The following SEPSECS variants were observed in gnomAD, a reference collection of about 807,000 sequenced individuals.
SEPSECS encodes Sep (O-phosphoserine) tRNA:Sec (selenocysteine) tRNA synthase, also known as O-phosphoseryl-tRNA(Sec) selenium transferase.
A neutral mutation model predicts 52.1 loss-of-function variants in SEPSECS; 42 were observed. That is an observed-to-expected ratio of 0.81 (90% CI 0.63 to 1.04). SEPSECS has a LOEUF of 1.04. Among genes scored for constraint, SEPSECS ranks in the 50% least tolerant of loss-of-function variants. SEPSECS has a pLI of 0.00. For missense variants in SEPSECS, 590 were observed against 610.6 expected (o/e 0.97, Z 0.36); for synonymous variants, 216 against 211.4 (o/e 1.02, Z -0.19).
At chr4:25,128,434 A>AAAACAG (rs1383494573) in intron 8 of SEPSECS, among the ~76,000 whole-genome samples, 3 of 134,470 alleles carry the variant, frequency 2.2e-5, no homozygotes, top group African/African-American at 9.7e-5. Context: ...TAACATAACA[A>AAAACAG]AAACAAAAAC....
intron 5 of SEPSECS, among the ~76,000 whole-genome samples, chr4:25,152,365 C>G (rs1482497472): frequency 5.3e-5 from 8 of 151,868 alleles, no homozygotes; most frequent in Non-Finnish European, 7.4e-5. Context: ...AAACAGAAAG[C>G]CAGAAGATTA....
chr4:25,136,977 T>C (rs1728865974), intron 8 of SEPSECS, among the ~76,000 whole-genome samples: 1 of 152,184 alleles, frequency 6.6e-6, no homozygotes, highest in African/African-American at 2.4e-5. Context: ...GGATTCTCTA[T>C]TTAATAAATG....
intron 6 of SEPSECS, among the ~76,000 whole-genome samples, chr4:25,151,179 T>C (rs1712276411): frequency 6.6e-6 from 1 of 152,198 alleles, no homozygotes; most frequent in Admixed American, 6.5e-5. Flanking sequence ...GGTTTATTGA[T>C]TGTCAATAAT....
At chr4:25,125,841 A>T (rs1223149006) in intron 9 of SEPSECS, 57 bp from the exon 10 acceptor site, 1 of 1,014,526 alleles carries the variant, frequency 9.9e-7, no homozygotes, top group African/African-American at 1.6e-5. Flanking sequence ...AAAATCACTC[A>T]AATAATAACA....
chr4:25,132,165 G>A (rs577229566), intron 8 of SEPSECS, among the ~76,000 whole-genome samples: 7 of 152,182 alleles, frequency 4.6e-5, no homozygotes, highest in Non-Finnish European at 8.8e-5. Context: ...CTGAGTTCTT[G>A]TCTGCCACTA....
At chr4:25,126,907 C>T (rs185848826) in intron 9 of SEPSECS, among the ~76,000 whole-genome samples, 1 of 152,304 alleles carries the variant, frequency 6.6e-6, no homozygotes, top group East Asian at 1.9e-4. Context: ...CCTCCTGCCT[C>T]AGCCTCCCAA....
rs1249643052 is a variant in SEPSECS at position 25,122,596 on chromosome 4, T to G, written c.*1335A>C. ...CAACAGGCAGGTTTGCAAAGGCAGC[T>G]CCCAAAATTATTTGTCTGTAAACAT... On this transcript the variant is annotated 3_prime_UTR_variant, in exon 11 of 11. Coordinates refer to ENST00000382103, the MANE Select transcript of SEPSECS (RefSeq NM_016955.4). The G allele has an allele frequency of 6.6e-6, 1 of 152,184 alleles. No individual in the cohort carries two copies. Among genetic ancestry groups the G allele is most frequent in the African/African-American group, 2.4e-5 (1 of 41,460 alleles). The allele number at this position is 152,184 out of a possible 1,614,324, so 9.4% of individuals were successfully genotyped here.
intron 6 of SEPSECS, among the ~76,000 whole-genome samples, chr4:25,148,151 G>GACC (rs1712085603): frequency 6.6e-6 from 1 of 152,106 alleles, no homozygotes; most frequent in Non-Finnish European, 1.5e-5. Flanking sequence ...AGGAGATTGA[G>GACC]ACCACCCTGG....
chr4:25,150,500 T>C (rs1712234995), intron 6 of SEPSECS, among the ~76,000 whole-genome samples: 1 of 152,042 alleles, frequency 6.6e-6, no homozygotes, highest in South Asian at 2.1e-4. Flanking sequence ...TTATATCAAA[T>C]GGTGATAAGT....
At position 25,123,810 on chromosome 4, in the gene SEPSECS, C is replaced by A; in HGVS notation, c.*121G>T. ...GGCTAGTTCAGACCAAAGTCTGCTC[C>A]TTGACTGAATATTCCCATGAAATTC... On this transcript the variant is annotated 3_prime_UTR_variant, in exon 11 of 11. Transcript: ENST00000382103. 1.1e-6 allele frequency: 1 copy of A among 885,512 alleles called. No homozygotes were observed. Among genetic ancestry groups the A allele is most frequent in the East Asian group, 2.5e-5 (1 of 40,528 alleles). 54.9% of individuals were successfully genotyped at this position (885,512 alleles called of 1,614,324 possible).
At chr4:25,157,549 T>G (rs1372779792) in intron 2 of SEPSECS, among the ~76,000 whole-genome samples, 1 of 151,338 alleles carries the variant, frequency 6.6e-6, no homozygotes, top group African/African-American at 2.4e-5. Flanking sequence ...CTTTTTTTTT[T>G]TTTTTTTCGT....
upstream of SEPSECS, chr4:25,160,487 A>G (rs923656819): frequency 2.0e-5 from 14 of 689,768 alleles, no homozygotes; most frequent in Non-Finnish European, 3.2e-5. Flanking sequence ...GGGACAAAAA[A>G]CAAAACAAAA....
chr4:25,156,869 A>C lies in SEPSECS; in HGVS notation c.375T>G (p.Ile125Met). Residue 125 changes from isoleucine to methionine, a missense_variant, in exon 3 of 11, where the codon ATT (isoleucine) becomes ATG (methionine). Transcript: ENST00000382103. The part of the protein sequence containing the change: ...NKITNSLVLD[I>M]IKLAGVHTVA... ...GACGGTACATACCAGCCAGCTTTAT[A>C]ATGTCCAGGACCAAAGAATTGGTAA... The C allele has an allele frequency of 1.3e-6, 2 of 1,587,120 alleles. No individual in the cohort carries two copies. The highest frequency in any genetic ancestry group is 1.7e-6 in the Non-Finnish European group (2 of 1,155,422).
chr4:25,125,698 C>T lies in SEPSECS; in HGVS notation c.1207G>A (p.Ala403Thr), dbSNP rs748528815. 6.8e-6 allele frequency: 11 copies of T among 1,607,442 alleles called. No individual in the cohort carries two copies. Among genetic ancestry groups the T allele is most frequent in the Non-Finnish European group, 9.4e-6 (11 of 1,174,716 alleles). Residue 403 changes from alanine to threonine, a missense_variant, in exon 10 of 11, where the codon GCC becomes ACC. Physicochemically the swap from Ala to Thr is moderately conservative, Grantham distance 58. Coordinates refer to ENST00000382103, the MANE Select transcript of SEPSECS (RefSeq NM_016955.4). ...ATCTATCTTAAACATACTTACCTGG[C>T]TCCAGAAACCTGTCTGGTAAAAAGC... is the stretch of plus-strand genomic sequence containing the variant. The part of the protein sequence containing the change: ...SMLFTRQVSG[A>T]RVVPLGSMQT...
intron 8 of SEPSECS, among the ~76,000 whole-genome samples, chr4:25,136,270 G>C (rs933563832): frequency 6.6e-6 from 1 of 152,148 alleles, no homozygotes; most frequent in Non-Finnish European, 1.5e-5. Context: ...AACTGTCTCT[G>C]GTTGCAGATG....
intron 8 of SEPSECS, among the ~76,000 whole-genome samples, chr4:25,139,237 T>C (rs981392469): frequency 6.6e-6 from 1 of 152,216 alleles, no homozygotes; most frequent in Non-Finnish European, 1.5e-5. Flanking sequence ...CAGTCTTGTT[T>C]GTGGATTTAG....
chr4:25,154,293 G>A (rs540311095), intron 5 of SEPSECS, among the ~76,000 whole-genome samples: 201 of 152,116 alleles, frequency 1.3e-3, no homozygotes, highest in African/African-American at 4.6e-3. Context: ...ATAATTTGAT[G>A]CTACAAGAAA....
In SEPSECS at chr4:25,145,083, A is replaced by G; in HGVS notation, c.855T>C (p.Asn285=). The G allele has an allele frequency of 6.2e-7, 1 of 1,613,950 alleles. No homozygotes were observed. Among genetic ancestry groups the G allele is most frequent in the Non-Finnish European group, 8.5e-7 (1 of 1,179,924 alleles). ...TAGCACCACCTACTGGAACCATAAA[A>G]TTTTTGTCCAAGCTCTGAACAAAAG... ...IDAFVQSLDK[N]FMVPVGGAII... The change falls in exon 7 of 11, where the codon AAT becomes AAC. Residue 285 remains asparagine (N), a synonymous_variant. Transcript: ENST00000382103.
intron 7 of SEPSECS, 55 bp downstream of exon 7, chr4:25,144,947 TAC>T: frequency 6.2e-7 from 1 of 1,605,044 alleles, no homozygotes. Context: ...ATAGCCTATG[TAC>T]AAATGGATTT....
Sources: gnomAD v4.1 joint callset for allele counts (sites outside exome capture counted in the v4.1 genomes callset) on GRCh38, gnomAD v4.1.1 for gene constraint, MANE v1.5 for transcripts, NCBI Gene and HGNC (gene_info 2026-07-23, HGNC 2026-07-21) for gene names.